Variants in PPP4R3A observed in about 807,000 individuals in gnomAD.
PPP4R3A encodes the protein protein phosphatase 4 regulatory subunit 3A.
In PPP4R3A, 15 loss-of-function variants were observed where a neutral mutation model predicts 91.7. The ratio of observed to expected loss-of-function variants is 0.16; its 90% CI spans 0.11 to 0.25. The LOEUF (loss-of-function observed/expected upper bound fraction) is 0.25. Ranked by LOEUF, PPP4R3A falls within the 10% of genes least tolerant of loss-of-function variation. The pLI is 1.00. For synonymous variants in PPP4R3A, 377 were observed against 348.7 expected (o/e 1.08, Z -0.91); for missense variants, 623 against 998.4 (o/e 0.62, Z 5.07).
At chr14:91,468,669 A>AAAAAC (rs1428649952) in intron 10 of PPP4R3A, among the ~76,000 whole-genome samples, 1 of 138,544 alleles carries the variant, frequency 7.2e-6, no homozygotes, top group East Asian at 2.0e-4. Flanking sequence ...CTCCGTCTCA[A>AAAAAC]AAAAAAAAAA....
chr14:91,488,809 C>G (rs1007664317), intron 2 of PPP4R3A, among the ~76,000 whole-genome samples: 46 of 151,834 alleles, frequency 3.0e-4, no homozygotes, highest in African/African-American at 1.0e-3. Context: ...GCAGGTAATG[C>G]TTAGAAAGTG....
At chr14:91,487,872 A>G (rs1889991755) in intron 2 of PPP4R3A, among the ~76,000 whole-genome samples, 2 of 152,174 alleles carry the variant, frequency 1.3e-5, no homozygotes, top group African/African-American at 4.8e-5. Context: ...ATGTGCCACC[A>G]TGCCCAATGT....
chr14:91,471,016 C>G lies in PPP4R3A; in HGVS notation c.1502-21G>C, dbSNP rs764265365. On this transcript the variant is annotated intron_variant, in intron 9 of 14. Transcript: ENST00000554943. ...ATCATCTAAAAGAAACAAAACACAA[C>G]TAATTATATTTAATGACTAACATTT... 18 of 1,560,880 alleles carry G rather than the reference C, an allele frequency of 1.2e-5. No individual in the cohort carries two copies. In the Admixed American group the frequency reaches 2.5e-4, roughly 22 times the overall value.
rs747507326 is a variant in PPP4R3A at position 91,481,789 on chromosome 14, T to A, written c.702A>T (p.Arg234=). Residue 234 remains arginine (R), a synonymous_variant, in exon 4 of 15, where the codon CGA becomes CGT. Transcript: ENST00000554943. ...TTTTTGTTAGAAATTCCCTGTGTTT[T>A]CGTGGTTGTGATAAAGCAGGATCAT... The part of the protein sequence containing the change: ...LEYDPALSQP[R]KHREFLTKTA... 5 of 1,614,100 alleles carry A rather than the reference T, an allele frequency of 3.1e-6. No homozygotes were observed. The East Asian group carries it at 1.1e-4, about 36-fold the overall frequency.
At chr14:91,477,633 A>G (rs1889287941) in intron 4 of PPP4R3A, among the ~76,000 whole-genome samples, 1 of 152,074 alleles carries the variant, frequency 6.6e-6, no homozygotes, top group South Asian at 2.1e-4. Flanking sequence ...CTATTTTTTC[A>G]TCAAGATCTT....
chr14:91,472,824 A>ACAACCAACCAAC (rs57949752), intron 9 of PPP4R3A, among the ~76,000 whole-genome samples: 6,377 of 150,480 alleles, frequency 0.042, 278 homozygotes, highest in African/African-American at 0.11. Flanking sequence ...TTTGATAAAA[A>ACAACCAACCAAC]CAACCAACCA....
intron 4 of PPP4R3A, among the ~76,000 whole-genome samples, chr14:91,480,675 GTTCTA>G (rs1259463142): frequency 6.6e-6 from 1 of 152,042 alleles, no homozygotes; most frequent in Non-Finnish European, 1.5e-5. Context: ...CTTCCAATCT[GTTCTA>G]TTCTATGCAA....
chr14:91,473,781 A>AT (rs925817815), intron 7 of PPP4R3A, among the ~76,000 whole-genome samples: 3 of 151,910 alleles, frequency 2.0e-5, no homozygotes, highest in African/African-American at 7.3e-5. Flanking sequence ...TTTTTATTTT[A>AT]TTTTTTTGAG....
At position 91,482,198 on chromosome 14, in the gene PPP4R3A, G is replaced by GA. The variant is rs763092928; in HGVS notation, c.298-6dup. ...GGAAGGGTCCTTTCCTTGAACCTAT[G>GA]AAAAAAAATTTAATTGCTGACAAAA... On this transcript the variant is annotated splice_polypyrimidine_tract_variant and splice_region_variant and intron_variant, in intron 3 of 14. Transcript: ENST00000554943. 3.2e-6 allele frequency: 5 copies of GA among 1,567,682 alleles called. No individual in the cohort carries two copies. Among genetic ancestry groups the GA allele is most frequent in the East Asian group, 4.5e-5 (2 of 44,318 alleles).
chr14:91,486,905 C>CAAAAAA (rs769201002), intron 2 of PPP4R3A, among the ~76,000 whole-genome samples: 3 of 86,902 alleles, frequency 3.5e-5, no homozygotes, highest in Admixed American at 1.3e-4. Flanking sequence ...ACTCTGTCTC[C>CAAAAAA]AAAAAAAAAA....
Position 91,458,016 on chromosome 14 carries a change from C to T in PPP4R3A, c.*743G>A, listed in dbSNP as rs1217973753. 6.6e-6 allele frequency: 1 copy of T among 152,052 alleles called. No individual in the cohort carries two copies. The highest frequency in any genetic ancestry group is 1.5e-5 in the Non-Finnish European group (1 of 67,944). The allele number at this position is 152,052 out of a possible 1,614,324, so 9.4% of individuals were successfully genotyped here. The stretch of plus-strand genomic sequence containing the variant: ...ACCAGCACAACGTTAGGTTATATTA[C>T]ATCAAAAAAAGTTTTAATGGTCCCA... On this transcript the variant is annotated 3_prime_UTR_variant, in exon 15 of 15. Coordinates refer to ENST00000554943, the MANE Select transcript of PPP4R3A (RefSeq NM_001366432.2).
intron 3 of PPP4R3A, among the ~76,000 whole-genome samples, chr14:91,482,474 C>T (rs748461283): frequency 6.6e-6 from 1 of 152,096 alleles, no homozygotes; most frequent in Non-Finnish European, 1.5e-5. Flanking sequence ...GAGACTGTTA[C>T]GAAACAGCCC....
rs1221406598 is a variant in PPP4R3A at position 91,510,201 on chromosome 14, C to A, written c.-554G>T. 1.3e-5 allele frequency: 2 copies of A among 153,190 alleles called. No homozygotes were observed. Among genetic ancestry groups the A allele is most frequent in the Admixed American group, 6.5e-5 (1 of 15,290 alleles). The allele number at this position is 153,190 out of a possible 1,614,324, so 9.5% of individuals were successfully genotyped here. On this transcript the variant is annotated 5_prime_UTR_variant, in exon 1 of 15. Coordinates refer to ENST00000554943, the MANE Select transcript of PPP4R3A (RefSeq NM_001366432.2). Reference sequence around the variant, plus strand: ...GGGAGACTCTGAGGGCCCCCGGCCGCCCAAGCGACCCGGACTAGTGGAAGT... The same window carrying A: ...GGGAGACTCTGAGGGCCCCCGGCCGACCAAGCGACCCGGACTAGTGGAAGT...
At chr14:91,505,948 ATT>A (rs5810541) in intron 1 of PPP4R3A, among the ~76,000 whole-genome samples, 1 of 148,454 alleles carries the variant, frequency 6.7e-6, no homozygotes. Flanking sequence ...TATAATTGAA[ATT>A]TTTTTTTTTT....
intron 11 of PPP4R3A, 27 bp from the exon 12 acceptor site, chr14:91,462,904 A>G (rs770949702): frequency 1.9e-6 from 3 of 1,550,646 alleles, no homozygotes; most frequent in Non-Finnish European, 2.6e-6. Context: ...TAATGAAAAA[A>G]TGATAGGAAA....
intron 11 of PPP4R3A, among the ~76,000 whole-genome samples, chr14:91,464,072 C>T (rs1159733450): frequency 1.3e-5 from 2 of 152,172 alleles, no homozygotes; most frequent in East Asian, 3.8e-4. Flanking sequence ...CCTGTAATCC[C>T]AGCAGTTTGG....
At chr14:91,487,249 C>CAAAAAAAAAAAAAAAAAAAAAAAAA (rs35970764) in intron 2 of PPP4R3A, among the ~76,000 whole-genome samples, 1 of 80,264 alleles carries the variant, frequency 1.2e-5, no homozygotes, top group Non-Finnish European at 2.4e-5. Context: ...GAGTCCGTCT[C>CAAAAAAAAAAAAAAAAAAAAAAAAA]AAAAAAAAAA....
chr14:91,491,986 G>A (rs1890256642), intron 1 of PPP4R3A, among the ~76,000 whole-genome samples: 2 of 152,190 alleles, frequency 1.3e-5, no homozygotes, highest in South Asian at 2.1e-4. Flanking sequence ...CTACAGGCAT[G>A]AGCCACTGCA....
At chr14:91,486,911 A>AT (rs1310151220) in intron 2 of PPP4R3A, among the ~76,000 whole-genome samples, 5 of 144,578 alleles carry the variant, frequency 3.5e-5, no homozygotes, top group Non-Finnish European at 7.8e-5. Context: ...TCTCCAAAAA[A>AT]AAAAAAAAAA....
Sources: gnomAD v4.1 joint callset for allele counts (sites outside exome capture counted in the v4.1 genomes callset) on GRCh38, gnomAD v4.1.1 for gene constraint, MANE v1.5 for transcripts, NCBI Gene and HGNC (gene_info 2026-07-23, HGNC 2026-07-21) for gene names.